The following LHCGR variants were observed in gnomAD, a reference collection of about 807,000 sequenced individuals.
LHCGR encodes lutropin-choriogonadotropic hormone receptor.
Under a neutral mutation model 60.7 loss-of-function variants are expected in LHCGR, and 55 were observed. The observed-to-expected ratio is 0.91, with a 90% CI of 0.73 to 1.13. LHCGR has a LOEUF of 1.13. Ranked by LOEUF, LHCGR falls within the 50% of genes most tolerant of loss-of-function variation. LHCGR has a pLI of 0.00. For missense variants in LHCGR, 862 were observed against 836.0 expected (o/e 1.03, Z -0.38); for synonymous variants, 337 against 316.5 (o/e 1.06, Z -0.69).
At chr2:48,742,814 C>A (rs1004608754) in intron 1 of LHCGR, among the ~76,000 whole-genome samples, 29 of 151,934 alleles carry the variant, frequency 1.9e-4, no homozygotes, top group Middle Eastern at 3.4e-3. Flanking sequence ...CATTCAAAAG[C>A]TAGCAGAAGG....
At position 48,741,670 on chromosome 2, in the gene LHCGR, C is replaced by T. The variant is rs1467777478; in HGVS notation, c.162-10372G>A. Among the ~76,000 whole-genome samples the T allele has an allele frequency of 3.4e-4, 52 of 151,214 alleles. No homozygotes were observed. In the East Asian group the frequency reaches 9.1e-3, roughly 27 times the overall value. On this transcript the variant is annotated intron_variant, in intron 1 of 10. Transcript: ENST00000294954. ...AGATTTTGTCACCACCAGGCCTGCC[C>T]TAAAAGAGCTCCTGAAGGAAGCGCT... is the stretch of plus-strand genomic sequence containing the variant.
At chr2:48,709,110 T>A (rs1249766463) in intron 7 of LHCGR, 88 bp from the exon 8 acceptor site, 1 of 976,686 alleles carries the variant, frequency 1.0e-6, no homozygotes, top group Non-Finnish European at 1.7e-6. Flanking sequence ...GACCAAGCTA[T>A]GTGCATGATG....
At chr2:48,746,022 A>G (rs1007991762) in intron 1 of LHCGR, among the ~76,000 whole-genome samples, 1 of 152,088 alleles carries the variant, frequency 6.6e-6, no homozygotes, top group African/African-American at 2.4e-5. Context: ...TCAAATCAAA[A>G]TTTCATTTCA....
intron 1 of LHCGR, among the ~76,000 whole-genome samples, chr2:48,744,765 C>T (rs1572892255): frequency 6.6e-6 from 1 of 150,920 alleles, no homozygotes; most frequent in East Asian, 1.9e-4. Context: ...CAGGCATTAC[C>T]ATTCAGGACA....
rs1680051497 is a variant in LHCGR at position 48,688,934 on chromosome 2, A to G, written c.948-85T>C. On this transcript the variant is annotated intron_variant, in intron 10 of 10. Transcript: ENST00000294954. This position sits in a 1 kb window ranked among gnomAD's most constrained non-coding sequence, Gnocchi z 5.2. ...GAATTATGTTTCTTTAAAGGCAAAGAAACAAAAGGAAACAAAGCCATAATA... is the reference window on the plus strand; with the variant it reads ...GAATTATGTTTCTTTAAAGGCAAAGGAACAAAAGGAAACAAAGCCATAATA... The G allele has an allele frequency of 8.5e-7, 1 of 1,175,806 alleles. No individual in the cohort carries two copies. The highest frequency in any genetic ancestry group is 1.5e-5 in the African/African-American group (1 of 66,182). The allele number at this position is 1,175,806 out of a possible 1,614,324, so 72.8% of individuals were successfully genotyped here.
Position 48,725,710 on chromosome 2 carries a change from C to G in LHCGR, c.349G>C (p.Gly117Arg), listed in dbSNP as rs1209521626. Residue 117 changes from glycine (G) to arginine (R), a missense_variant, in exon 4 of 11, where the codon GGA becomes CGA. Transcript: ENST00000294954. ...NTKNLRYIEP[G>R]AFINLPRLKY... The stretch of plus-strand genomic sequence containing the variant: ...AATCGGGGAAGATTTATAAATGCTC[C>G]GGGCTCAATGTATCTCAGATTTTTG... The G allele has an allele frequency of 6.2e-7, 1 of 1,613,334 alleles. No individual in the cohort carries two copies. Among genetic ancestry groups the G allele is most frequent in the Admixed American group, 1.7e-5 (1 of 59,982 alleles).
intron 7 of LHCGR, 47 bp downstream of exon 7, chr2:48,713,939 A>T (rs1229593800): frequency 7.4e-7 from 1 of 1,342,546 alleles, no homozygotes; most frequent in Admixed American, 1.7e-5. Context: ...TAGCCAGAGT[A>T]ATATTTCATT....
intron 3 of LHCGR, among the ~76,000 whole-genome samples, chr2:48,727,255 G>A (rs929380186): frequency 6.6e-6 from 1 of 151,050 alleles, no homozygotes; most frequent in Admixed American, 6.6e-5. Context: ...GTGAGACCCT[G>A]TATAAAAAAA....
At chr2:48,744,974 A>G (rs1192652059) in intron 1 of LHCGR, among the ~76,000 whole-genome samples, 2 of 152,166 alleles carry the variant, frequency 1.3e-5, no homozygotes, top group African/African-American at 2.4e-5. Flanking sequence ...TCCACAATCT[A>G]CAATGAACTC....
chr2:48,694,808 C>A (rs1289189752), intron 9 of LHCGR, among the ~76,000 whole-genome samples: 2 of 152,100 alleles, frequency 1.3e-5, no homozygotes, highest in African/African-American at 4.8e-5. Context: ...GTGCTCCCTA[C>A]TCCTCCATCT....
At chr2:48,743,956 G>C (rs2103701271) in intron 1 of LHCGR, among the ~76,000 whole-genome samples, 1 of 149,760 alleles carries the variant, frequency 6.7e-6, no homozygotes, top group South Asian at 2.1e-4. Flanking sequence ...CATTGTCTCA[G>C]GCCAAAATCT....
chr2:48,698,014 G>A (rs929187770), intron 9 of LHCGR, among the ~76,000 whole-genome samples: 2 of 152,102 alleles, frequency 1.3e-5, no homozygotes, highest in African/African-American at 2.4e-5. Flanking sequence ...AGGAAAGAAC[G>A]AAATTCTGCC....
intron 1 of LHCGR, among the ~76,000 whole-genome samples, chr2:48,753,802 C>CTGTGTG (rs1670086588): frequency 2.0e-5 from 2 of 101,722 alleles, no homozygotes; most frequent in African/African-American, 8.6e-5. Flanking sequence ...TTTGGAGAAA[C>CTGTGTG]TGAGTGTGTG....
chr2:48,734,570 T>G (rs1022895813), intron 1 of LHCGR, among the ~76,000 whole-genome samples: 20 of 150,036 alleles, frequency 1.3e-4, no homozygotes, highest in Non-Finnish European at 2.4e-4. Context: ...TCCTTCCTCC[T>G]CTCTCCCTTC....
intron 9 of LHCGR, 76 bp from the exon 10 acceptor site, chr2:48,694,380 C>A (rs1394152569): frequency 2.3e-6 from 2 of 879,114 alleles, no homozygotes. Context: ...TCTATTTATG[C>A]TTTGTTCATG....
intron 1 of LHCGR, among the ~76,000 whole-genome samples, chr2:48,741,296 G>A (rs1395347851): frequency 3.9e-5 from 6 of 152,168 alleles, no homozygotes; most frequent in South Asian, 2.1e-4. Flanking sequence ...AACTTCCCCA[G>A]TCGAGCAAGG....
At chr2:48,747,091 C>T (rs1429229351) in intron 1 of LHCGR, among the ~76,000 whole-genome samples, 3 of 148,800 alleles carry the variant, frequency 2.0e-5, no homozygotes, top group Admixed American at 6.7e-5. Flanking sequence ...TTTTCTTTTA[C>T]TTTTTTTTTT....
chr2:48,709,720 AG>A (rs148917710), intron 7 of LHCGR, among the ~76,000 whole-genome samples: 7,762 of 152,246 alleles, frequency 0.051, 211 homozygotes, highest in Middle Eastern at 0.075. Context: ...TAGCTCCCTG[AG>A]GGCTCTGCTG....
intron 6 of LHCGR, among the ~76,000 whole-genome samples, chr2:48,714,331 A>G (rs1037177910): frequency 6.6e-6 from 1 of 152,184 alleles, no homozygotes; most frequent in African/African-American, 2.4e-5. Flanking sequence ...TAGCTTGCTT[A>G]ATGTCAAAGG....
Sources: allele counts gnomAD v4.1 joint callset (sites outside exome capture counted in the v4.1 genomes callset), GRCh38; gene constraint gnomAD v4.1.1; non-coding constraint Gnocchi (gnomAD v3.1); transcripts MANE v1.5; gene names NCBI Gene and HGNC (gene_info 2026-07-23, HGNC 2026-07-21).